PTPRE: variants seen among roughly 807,000 people sequenced by gnomAD.
PTPRE encodes protein tyrosine phosphatase receptor type E.
PTPRE carries 51 observed loss-of-function variants against 102.0 expected under a neutral mutation model. That is an observed-to-expected ratio of 0.50 (90% CI 0.40 to 0.63). The LOEUF (loss-of-function observed/expected upper bound fraction) is 0.63. Among genes scored for constraint, PTPRE ranks in the 30% least tolerant of loss-of-function variants. The pLI is 0.00. For missense variants in PTPRE, 752 were observed against 915.1 expected (o/e 0.82, Z 2.30); for synonymous variants, 345 against 348.2 (o/e 0.99, Z 0.10).
At position 128,070,952 on chromosome 10, in the gene PTPRE, G is replaced by A. The variant is rs113908319; in HGVS notation, c.1387+51G>A. 83 of 1,548,012 alleles carry A rather than the reference G, an allele frequency of 5.4e-5. No homozygotes were observed. The highest frequency in any genetic ancestry group is 5.3e-4 in the African/African-American group (39 of 73,598). On this transcript the variant is annotated intron_variant, in intron 15 of 20. Coordinates refer to ENST00000254667, the MANE Select transcript of PTPRE (RefSeq NM_006504.6). The surrounding 1 kb of genome is among the most constrained non-coding windows in gnomAD (Gnocchi z 4.8). The stretch of plus-strand genomic sequence containing the variant: ...GCAGGGCTGGGGCGGGGCTGGTGCC[G>A]GAGGCTTTCATCCTGGAGAAGCCAT...
chr10:127,965,287 A>ATT (rs1850160388), intron 1 of PTPRE, among the ~76,000 whole-genome samples: 1 of 152,108 alleles, frequency 6.6e-6, no homozygotes, highest in Non-Finnish European at 1.5e-5. Context: ...TCAGTTAGGA[A>ATT]TTCCCATGGT....
intron 7 of PTPRE, among the ~76,000 whole-genome samples, chr10:128,059,956 C>CA (rs1303311422): frequency 1.6e-5 from 2 of 124,986 alleles, no homozygotes; most frequent in Non-Finnish European, 1.7e-5. Flanking sequence ...ACACACACAA[C>CA]ACACACACTA....
At chr10:127,984,223 A>G (rs1464980822) in intron 2 of PTPRE, among the ~76,000 whole-genome samples, 2 of 151,670 alleles carry the variant, frequency 1.3e-5, no homozygotes, top group Non-Finnish European at 2.9e-5. Flanking sequence ...CTGGGATTAC[A>G]GACAAGCACC....
chr10:128,055,998 G>C (rs375694942), intron 6 of PTPRE, 125 bp from the exon 7 acceptor site: 7 of 722,664 alleles, frequency 9.7e-6, no homozygotes, highest in South Asian at 6.5e-5. Flanking sequence ...AGGCAGAGAC[G>C]GACTATGGAC....
At chr10:127,963,736 C>T (rs929899812) in intron 1 of PTPRE, among the ~76,000 whole-genome samples, 9 of 152,020 alleles carry the variant, frequency 5.9e-5, no homozygotes, top group Non-Finnish European at 1.2e-4. Context: ...GTGGAACCCA[C>T]GGGGCTGGGG....
At chr10:128,025,499 C>T (rs1477438993) in intron 2 of PTPRE, among the ~76,000 whole-genome samples, 2 of 152,190 alleles carry the variant, frequency 1.3e-5, no homozygotes, top group Non-Finnish European at 2.9e-5. Context: ...GACGAGTAAA[C>T]TGCAGACATC....
At chr10:128,051,690 C>T (rs1848578093) in intron 6 of PTPRE, among the ~76,000 whole-genome samples, 1 of 152,240 alleles carries the variant, frequency 6.6e-6, no homozygotes, top group Non-Finnish European at 1.5e-5. Flanking sequence ...GAGGAAGTTC[C>T]TCATTCTCTT....
intron 2 of PTPRE, among the ~76,000 whole-genome samples, chr10:128,019,918 G>A (rs758984558): frequency 7.9e-5 from 12 of 152,186 alleles, no homozygotes; most frequent in African/African-American, 2.7e-4. Flanking sequence ...CAATGGTCCC[G>A]GTACAGTGAT....
intron 2 of PTPRE, among the ~76,000 whole-genome samples, chr10:128,034,324 C>CG (rs1847021525): frequency 6.8e-6 from 1 of 148,006 alleles, no homozygotes; most frequent in Admixed American, 6.7e-5. Flanking sequence ...CCCTCCACAC[C>CG]ACCCCCCCCA....
chr10:128,031,210 G>A (rs11016021), intron 2 of PTPRE, among the ~76,000 whole-genome samples: 27,857 of 152,236 alleles, frequency 0.18, 2,867 homozygotes, highest in East Asian at 0.37. Flanking sequence ...AAAGTGTAGC[G>A]TAAACCTACC....
chr10:127,997,345 T>C (rs1398563343), intron 2 of PTPRE, among the ~76,000 whole-genome samples: 1 of 152,160 alleles, frequency 6.6e-6, no homozygotes, highest in East Asian at 1.9e-4. Context: ...GGGGACTCCA[T>C]GTTCAAGGTA....
rs369739841 is a variant in PTPRE at position 128,063,203 on chromosome 10, C to T, written c.723+23C>T. On this transcript the variant is annotated intron_variant, in intron 10 of 20. Coordinates refer to ENST00000254667, the MANE Select transcript of PTPRE (RefSeq NM_006504.6). ...GAGGTGAGTTCCAGGCATCTGGCCC[C>T]GGTATCACTTCCTTTCAGCTGCTGC... The T allele has an allele frequency of 1.4e-5, 23 of 1,612,914 alleles. No homozygotes were observed. In the East Asian group the frequency reaches 1.6e-4, roughly 11 times the overall value.
At chr10:128,071,112 A>T (rs771454395) in intron 15 of PTPRE, 1 of 579,852 alleles carries the variant, frequency 1.7e-6, no homozygotes, top group Non-Finnish European at 3.1e-6. Context: ...ACAGTCCTGC[A>T]TGGGTCTCAG....
intron 2 of PTPRE, among the ~76,000 whole-genome samples, chr10:128,033,974 G>A (rs749224985): frequency 6.6e-6 from 1 of 152,168 alleles, no homozygotes; most frequent in Non-Finnish European, 1.5e-5. Flanking sequence ...GTCCAAATTG[G>A]ACATCTCATC....
intron 2 of PTPRE, among the ~76,000 whole-genome samples, chr10:128,016,658 G>T (rs751806037): frequency 6.6e-6 from 1 of 152,026 alleles, no homozygotes; most frequent in Non-Finnish European, 1.5e-5. Context: ...TCCCTGGGAG[G>T]TTGGCACAGC....
In PTPRE at chr10:127,982,271, C is replaced by T. The variant is rs1468756958; in HGVS notation, c.-30-3C>T. 6.3e-6 allele frequency: 8 copies of T among 1,265,922 alleles called. No homozygotes were observed. Among genetic ancestry groups the T allele is most frequent in the Admixed American group, 2.5e-5 (1 of 40,548 alleles). The allele number at this position is 1,265,922 out of a possible 1,614,324, so 78.4% of individuals were successfully genotyped here. ...GACTTTTTTTTTCTTCTTTCTTCTT[C>T]AGACTATAGCCTTCACTTTCCCTCG... On this transcript the variant is annotated splice_region_variant and splice_polypyrimidine_tract_variant and intron_variant, in intron 1 of 20. Coordinates refer to ENST00000254667, the MANE Select transcript of PTPRE (RefSeq NM_006504.6).
At chr10:127,927,183 C>G (rs1847088993) in intron 1 of PTPRE, among the ~76,000 whole-genome samples, 2 of 151,534 alleles carry the variant, frequency 1.3e-5, no homozygotes, top group Admixed American at 1.3e-4. Flanking sequence ...ACACTGGATG[C>G]CCCCCACCCC....
intron 1 of PTPRE, among the ~76,000 whole-genome samples, chr10:127,918,831 G>A (rs1181713998): frequency 2.6e-5 from 4 of 152,180 alleles, no homozygotes; most frequent in Admixed American, 2.6e-4. Flanking sequence ...TATTTCTCAA[G>A]GAGTATGAAG....
intron 2 of PTPRE, among the ~76,000 whole-genome samples, chr10:128,018,371 A>G (rs1258764145): frequency 1.3e-5 from 2 of 152,344 alleles, no homozygotes; most frequent in African/African-American, 4.8e-5. Flanking sequence ...CCATCTGCAC[A>G]GCAGTTCCAA....
Sources: allele counts gnomAD v4.1 joint callset (sites outside exome capture counted in the v4.1 genomes callset), GRCh38; gene constraint gnomAD v4.1.1; non-coding constraint Gnocchi (gnomAD v3.1); transcripts MANE v1.5; gene names NCBI Gene and HGNC (gene_info 2026-07-23, HGNC 2026-07-21).